SPOCK3: variants seen among roughly 807,000 people sequenced by gnomAD.
The protein encoded by SPOCK3 is SPARC (osteonectin), cwcv and kazal like domains proteoglycan 3, also known as testican-3.
A neutral mutation model predicts 56.6 loss-of-function variants in SPOCK3; 30 were observed. That is an observed-to-expected ratio of 0.53 (90% CI 0.40 to 0.72). The LOEUF (loss-of-function observed/expected upper bound fraction) is 0.72, where lower values mean the gene tolerates loss of function less well. SPOCK3 is among the 30% of genes least tolerant of loss of function. The pLI is 0.00. For missense variants in SPOCK3, 527 were observed against 530.0 expected (o/e 0.99, Z 0.06); for synonymous variants, 196 against 183.3 (o/e 1.07, Z -0.56).
At chr4:166,766,693 C>CT (rs1451340619) in intron 7 of SPOCK3, among the ~76,000 whole-genome samples, 7 of 152,144 alleles carry the variant, frequency 4.6e-5, no homozygotes, top group African/African-American at 1.7e-4. Context: ...CACAATGATG[C>CT]TGAACTCATA....
chr4:167,173,873 G>A (rs1730723781), intron 2 of SPOCK3, among the ~76,000 whole-genome samples: 1 of 152,128 alleles, frequency 6.6e-6, no homozygotes, highest in Non-Finnish European at 1.5e-5. Flanking sequence ...TGGATTCATA[G>A]GGCCCTATAG....
At chr4:166,921,503 G>T (rs188853259) in intron 4 of SPOCK3, among the ~76,000 whole-genome samples, 50 of 152,148 alleles carry the variant, frequency 3.3e-4, no homozygotes, top group Non-Finnish European at 6.3e-4. Flanking sequence ...TTTTTGTAGA[G>T]ACAGGGGTTT....
intron 7 of SPOCK3, among the ~76,000 whole-genome samples, chr4:166,783,501 C>A (rs1043690966): frequency 6.6e-6 from 1 of 152,006 alleles, no homozygotes; most frequent in Non-Finnish European, 1.5e-5. Flanking sequence ...AATAAGCATG[C>A]ATTACTTGCA....
intron 3 of SPOCK3, among the ~76,000 whole-genome samples, chr4:167,018,270 C>T (rs972421212): frequency 6.6e-6 from 1 of 152,106 alleles, no homozygotes; most frequent in Admixed American, 6.6e-5. Flanking sequence ...TTCCTTTTCT[C>T]ACATAAAATC....
intron 4 of SPOCK3, among the ~76,000 whole-genome samples, chr4:166,943,689 C>A (rs1215264725): frequency 1.3e-5 from 2 of 152,082 alleles, no homozygotes; most frequent in African/African-American, 4.8e-5. Flanking sequence ...GGTATTACTT[C>A]AAAGTATATT....
At chr4:166,846,592 T>C (rs1748085122) in intron 6 of SPOCK3, among the ~76,000 whole-genome samples, 1 of 152,106 alleles carries the variant, frequency 6.6e-6, no homozygotes. Flanking sequence ...AGACAGTTGG[T>C]AAAATACTTT....
At chr4:167,030,785 T>C (rs1752201950) in intron 3 of SPOCK3, among the ~76,000 whole-genome samples, 1 of 152,046 alleles carries the variant, frequency 6.6e-6, no homozygotes, top group South Asian at 2.1e-4. Flanking sequence ...ACCTTACTCA[T>C]GTTTTCAAAC....
At chr4:166,813,915 C>T (rs1744109006) in intron 6 of SPOCK3, among the ~76,000 whole-genome samples, 1 of 151,858 alleles carries the variant, frequency 6.6e-6, no homozygotes, top group Non-Finnish European at 1.5e-5. Context: ...GCAAAGAGTC[C>T]CTATCAGAGC....
At chr4:166,996,960 C>G (rs1399472500) in intron 4 of SPOCK3, among the ~76,000 whole-genome samples, 1 of 152,136 alleles carries the variant, frequency 6.6e-6, no homozygotes, top group Non-Finnish European at 1.5e-5. Context: ...ATCGTTACAT[C>G]CCTCATTTCA....
intron 4 of SPOCK3, among the ~76,000 whole-genome samples, chr4:166,963,925 T>C (rs1273347737): frequency 6.6e-6 from 1 of 151,850 alleles, no homozygotes; most frequent in East Asian, 1.9e-4. Flanking sequence ...ATTTAAAATA[T>C]AAATTATAGT....
At chr4:166,748,299 T>A (rs1579107346) in intron 8 of SPOCK3, among the ~76,000 whole-genome samples, 1 of 136,800 alleles carries the variant, frequency 7.3e-6, no homozygotes, top group Non-Finnish European at 1.5e-5. Context: ...TATAGACCAG[T>A]GGAACAGAAC....
intron 4 of SPOCK3, among the ~76,000 whole-genome samples, chr4:166,924,717 G>T (rs1224195905): frequency 6.6e-6 from 1 of 152,192 alleles, no homozygotes; most frequent in African/African-American, 2.4e-5. Flanking sequence ...TGAAGAAAAA[G>T]GTTAGTAGGT....
intron 4 of SPOCK3, among the ~76,000 whole-genome samples, chr4:166,933,379 C>T (rs931884388): frequency 3.9e-5 from 6 of 152,188 alleles, no homozygotes; most frequent in Non-Finnish European, 1.5e-5. Flanking sequence ...CCTCTCCCCT[C>T]ACTCTGCTTT....
intron 5 of SPOCK3, among the ~76,000 whole-genome samples, chr4:166,891,367 C>A (rs1229298548): frequency 6.6e-6 from 1 of 151,914 alleles, no homozygotes; most frequent in Admixed American, 6.6e-5. Flanking sequence ...CGAATGCACC[C>A]AATAGCTAAT....
chr4:166,933,005 C>T (rs1410250547), intron 4 of SPOCK3, among the ~76,000 whole-genome samples: 2 of 151,946 alleles, frequency 1.3e-5, no homozygotes, highest in African/African-American at 2.4e-5. Flanking sequence ...AAAGCAGTGA[C>T]AAATCCATGC....
At chr4:166,983,667 T>A (rs1746830332) in intron 4 of SPOCK3, among the ~76,000 whole-genome samples, 1 of 152,072 alleles carries the variant, frequency 6.6e-6, no homozygotes, top group Admixed American at 6.5e-5. Context: ...AAATCTGATG[T>A]GATTAATATG....
At chr4:166,922,096 G>T (rs1738558176) in intron 4 of SPOCK3, among the ~76,000 whole-genome samples, 2 of 152,130 alleles carry the variant, frequency 1.3e-5, no homozygotes, top group South Asian at 4.1e-4. Flanking sequence ...GACACGAGGG[G>T]TCTAGGTGTT....
chr4:167,230,646 G>A (rs1018563348), intron 2 of SPOCK3, among the ~76,000 whole-genome samples: 2 of 151,650 alleles, frequency 1.3e-5, no homozygotes, highest in African/African-American at 2.4e-5. Context: ...CTGTACTTAT[G>A]TTTAAATGTG....
At chr4:167,229,514 C>A (rs577460643) in intron 2 of SPOCK3, among the ~76,000 whole-genome samples, 28 of 152,144 alleles carry the variant, frequency 1.8e-4, no homozygotes, top group Admixed American at 4.6e-4. Context: ...AGAATCTTTA[C>A]CCCTCTGTAG....
Sources: allele counts gnomAD v4.1 joint callset (sites outside exome capture counted in the v4.1 genomes callset), GRCh38; gene constraint gnomAD v4.1.1; transcripts MANE v1.5; gene names NCBI Gene and HGNC (gene_info 2026-07-23, HGNC 2026-07-21).